TMEM132D: variants seen among roughly 807,000 people sequenced by gnomAD.
The protein encoded by TMEM132D is transmembrane protein 132D.
A neutral mutation model predicts 62.3 loss-of-function variants in TMEM132D; 21 were observed. The observed-to-expected ratio is 0.34, with a 90% CI of 0.24 to 0.49. The LOEUF (loss-of-function observed/expected upper bound fraction) is 0.49. Ranked by LOEUF, TMEM132D falls within the 20% of genes least tolerant of loss-of-function variation. The pLI is 0.99. For synonymous variants in TMEM132D, 621 were observed against 575.6 expected (o/e 1.08, Z -1.13); for missense variants, 1,346 against 1,402.8 (o/e 0.96, Z 0.65).
chr12:129,378,867 G>A (rs910330635), intron 3 of TMEM132D, among the ~76,000 whole-genome samples: 1 of 152,176 alleles, frequency 6.6e-6, no homozygotes, highest in Admixed American at 6.5e-5. Flanking sequence ...ATTTTGAAAT[G>A]TCTTAAGCAG....
intron 2 of TMEM132D, 51 bp from the exon 3 acceptor site, chr12:129,531,256 G>C (rs746033455): frequency 5.8e-6 from 9 of 1,539,590 alleles, no homozygotes; most frequent in Non-Finnish European, 7.0e-6. Context: ...GAATCCCCGG[G>C]TCATGCTGGT....
chr12:129,140,886 A>T (rs1197181466), intron 5 of TMEM132D, among the ~76,000 whole-genome samples: 4 of 151,980 alleles, frequency 2.6e-5, no homozygotes, highest in African/African-American at 7.2e-5. Context: ...TGTTGAAGGT[A>T]TCAATAGTTC....
chr12:129,448,175 TTA>T (rs1463209873), intron 3 of TMEM132D, among the ~76,000 whole-genome samples: 1 of 152,168 alleles, frequency 6.6e-6, no homozygotes, highest in Non-Finnish European at 1.5e-5. Context: ...GTGGTGCCCA[TTA>T]TGTTTGACGG....
chr12:129,331,692 G>A (rs1031794763), intron 4 of TMEM132D, among the ~76,000 whole-genome samples: 7 of 152,202 alleles, frequency 4.6e-5, no homozygotes, highest in African/African-American at 1.7e-4. Context: ...AAGAGGACTT[G>A]TAACTATGTT....
chr12:129,474,221 G>A (rs975078210), intron 3 of TMEM132D, among the ~76,000 whole-genome samples: 7 of 152,192 alleles, frequency 4.6e-5, no homozygotes, highest in African/African-American at 1.4e-4. Context: ...CAAAACCACA[G>A]TAATATTTTT....
chr12:129,635,354 A>G (rs1344336863), intron 2 of TMEM132D, among the ~76,000 whole-genome samples: 1 of 152,220 alleles, frequency 6.6e-6, no homozygotes, highest in Non-Finnish European at 1.5e-5. Flanking sequence ...AGATTACACA[A>G]ACAACAAACA....
At chr12:129,401,619 A>G (rs879834872) in intron 3 of TMEM132D, among the ~76,000 whole-genome samples, 3 of 152,150 alleles carry the variant, frequency 2.0e-5, no homozygotes, top group Non-Finnish European at 4.4e-5. Flanking sequence ...ACATCAACTC[A>G]TTTAATCCTC....
At chr12:129,690,413 T>C (rs185528357) in intron 2 of TMEM132D, among the ~76,000 whole-genome samples, 1 of 152,234 alleles carries the variant, frequency 6.6e-6, no homozygotes, top group East Asian at 1.9e-4. Context: ...ATTGTCAAAG[T>C]AGATTAAAAA....
At chr12:129,508,769 A>G (rs1387270035) in intron 3 of TMEM132D, among the ~76,000 whole-genome samples, 1 of 152,166 alleles carries the variant, frequency 6.6e-6, no homozygotes, top group African/African-American at 2.4e-5. Flanking sequence ...GTAATCACAT[A>G]TTAAAAAAAT....
intron 8 of TMEM132D, among the ~76,000 whole-genome samples, chr12:129,077,488 A>T (rs1874299675): frequency 6.6e-6 from 1 of 151,994 alleles, no homozygotes; most frequent in East Asian, 1.9e-4. Context: ...TACTACATTC[A>T]AAGGTCCCCT....
chr12:129,463,466 T>G (rs199528696), intron 3 of TMEM132D, among the ~76,000 whole-genome samples: 28,105 of 106,330 alleles, frequency 0.26, 2,951 homozygotes, highest in South Asian at 0.42. Context: ...ATTTATTTAT[T>G]TATGTATTAT....
chr12:129,258,134 C>T (rs1246292673), intron 4 of TMEM132D, among the ~76,000 whole-genome samples: 1 of 152,184 alleles, frequency 6.6e-6, no homozygotes. Flanking sequence ...TCCTTTCCGG[C>T]TGGCTGATCT....
chr12:129,393,757 AG>A (rs1009451004), intron 3 of TMEM132D, among the ~76,000 whole-genome samples: 2 of 152,156 alleles, frequency 1.3e-5, no homozygotes, highest in Admixed American at 6.5e-5. Context: ...CGCCAAACTG[AG>A]GTTGTTTTCC....
At chr12:129,642,308 C>A (rs912891212) in intron 2 of TMEM132D, among the ~76,000 whole-genome samples, 15 of 152,246 alleles carry the variant, frequency 9.9e-5, no homozygotes, top group Non-Finnish European at 2.2e-4. Flanking sequence ...GCCAAGGGCC[C>A]TGGCAGGCTG....
chr12:129,778,197 A>C (rs865963685), intron 1 of TMEM132D, among the ~76,000 whole-genome samples: 380 of 152,168 alleles, frequency 2.5e-3, no homozygotes, highest in Middle Eastern at 0.017. Flanking sequence ...AGAAAAAAAA[A>C]ACACAAATAT....
At chr12:129,338,022 G>C (rs1484772228) in intron 3 of TMEM132D, among the ~76,000 whole-genome samples, 1 of 152,260 alleles carries the variant, frequency 6.6e-6, no homozygotes, top group Non-Finnish European at 1.5e-5. Flanking sequence ...CCTGGGCTTA[G>C]ATACTGTCAC....
intron 5 of TMEM132D, among the ~76,000 whole-genome samples, chr12:129,174,792 C>CG (rs952863283): frequency 6.6e-6 from 1 of 152,150 alleles, no homozygotes; most frequent in Non-Finnish European, 1.5e-5. Flanking sequence ...GAGATGGTAT[C>CG]CATTGTGGTT....
At chr12:129,366,850 T>A (rs1870430589) in intron 3 of TMEM132D, among the ~76,000 whole-genome samples, 1 of 152,026 alleles carries the variant, frequency 6.6e-6, no homozygotes, top group African/African-American at 2.4e-5. Flanking sequence ...CACAGAGAGA[T>A]GGGCTGTCAA....
intron 2 of TMEM132D, among the ~76,000 whole-genome samples, chr12:129,693,733 C>A (rs1055689782): frequency 6.6e-6 from 1 of 152,082 alleles, no homozygotes; most frequent in Non-Finnish European, 1.5e-5. Context: ...AGAGAGCATG[C>A]GTATTTTGAC....
Sources: allele counts gnomAD v4.1 joint callset (sites outside exome capture counted in the v4.1 genomes callset), GRCh38; gene constraint gnomAD v4.1.1; transcripts MANE v1.5; gene names NCBI Gene and HGNC (gene_info 2026-07-23, HGNC 2026-07-21).